The following PTGR2 variants were observed in gnomAD, a reference collection of about 807,000 sequenced individuals.
The protein encoded by PTGR2 is prostaglandin reductase 2, also known as 15-oxoprostaglandin 13-reductase.
Under a neutral mutation model 43.4 loss-of-function variants are expected in PTGR2, and 32 were observed. The ratio of observed to expected loss-of-function variants is 0.74; its 90% CI spans 0.56 to 0.99. PTGR2 has a LOEUF of 0.99. Ranked by LOEUF, PTGR2 falls within the 50% of genes least tolerant of loss-of-function variation. The pLI is 0.00. For missense variants in PTGR2, 373 were observed against 420.0 expected (o/e 0.89, Z 0.98); for synonymous variants, 106 against 139.2 (o/e 0.76, Z 1.68).
intron 3 of PTGR2, among the ~76,000 whole-genome samples, chr14:73,868,032 A>G (rs773726940): frequency 3.3e-5 from 5 of 152,188 alleles, no homozygotes; most frequent in Non-Finnish European, 7.3e-5. Context: ...CACGCTTGTA[A>G]TCCTAGCACT....
intron 1 of PTGR2, among the ~76,000 whole-genome samples, chr14:73,857,659 TTA>T: frequency 5.4e-5 from 7 of 130,048 alleles, no homozygotes; most frequent in Non-Finnish European, 9.7e-5. Context: ...AATTAAGCAG[TTA>T]GTGTTTTTTT....
chr14:73,874,437 A>C (rs1389180835), intron 4 of PTGR2: 2 of 549,314 alleles, frequency 3.6e-6, no homozygotes, highest in African/African-American at 3.8e-5. Context: ...GCTAAAATAA[A>C]CTGACAATAA....
In PTGR2 at chr14:73,859,867, T is replaced by G. The variant is rs1268071482; in HGVS notation, c.38-672T>G. 1.3e-5 allele frequency among the ~76,000 whole-genome samples: 2 copies of G among 149,144 alleles called. 1 individual carries two copies. The highest frequency in any genetic ancestry group is 3.9e-4 in the East Asian group (2 of 5,128). On this transcript the variant is annotated intron_variant, in intron 2 of 9. Coordinates refer to ENST00000555661, the MANE Select transcript of PTGR2 (RefSeq NM_001146154.2). ...ACAATATAGATTTACTTGTGCCTGT[T>G]TTTTTTTTTTTGACACGGAGTCTCG... is the stretch of plus-strand genomic sequence containing the variant.
At chr14:73,882,479 C>T in intron 9 of PTGR2, 41 bp downstream of exon 9, 1 of 1,278,584 alleles carries the variant, frequency 7.8e-7, no homozygotes, top group Middle Eastern at 1.9e-4. Flanking sequence ...ATGCTCAGCA[C>T]ACAAAGATAA....
rs371100877 is a variant in PTGR2, at chr14:73,860,632, T to G, written c.131T>G (p.Leu44Arg). 2.1e-4 allele frequency: 318 copies of G among 1,486,682 alleles called. No individual in the cohort carries two copies. Among genetic ancestry groups the G allele is most frequent in the Non-Finnish European group, 2.9e-4 (308 of 1,075,980 alleles). 92.1% of individuals were successfully genotyped at this position (1,486,682 alleles called of 1,614,324 possible). A position where few individuals can be genotyped will look rare whatever the true frequency, so the allele number is the denominator to read the frequency against. Residue 44 changes from leucine to arginine, a missense_variant, in exon 3 of 10, where the codon CTT (leucine) becomes CGT (arginine). Leu to Arg is a moderately radical substitution (Grantham distance 102). Transcript: ENST00000555661. ...GAAGGACAAGTACAAGTTAGAACTC[T>G]TTATCTTTCTGTGGATCCTTACATG... ...INEGQVQVRT[L>R]YLSVDPYMRC...
chr14:73,878,604 C>T, intron 5 of PTGR2: 2 of 434,178 alleles, frequency 4.6e-6, no homozygotes, highest in Non-Finnish European at 4.5e-6. Flanking sequence ...TCCTGGTCAG[C>T]CACCGTATGT....
intron 3 of PTGR2, among the ~76,000 whole-genome samples, chr14:73,872,087 A>G (rs979585211): frequency 3.3e-5 from 5 of 152,066 alleles, no homozygotes. Flanking sequence ...GTCGTCCTCT[A>G]CATTTTGGAT....
At chr14:73,881,578 A>G (rs2054988548) in intron 8 of PTGR2, among the ~76,000 whole-genome samples, 1 of 151,838 alleles carries the variant, frequency 6.6e-6, no homozygotes, top group Non-Finnish European at 1.5e-5. Flanking sequence ...ATGTTTATTA[A>G]TTTAACAAAT....
intron 3 of PTGR2, among the ~76,000 whole-genome samples, chr14:73,870,719 G>A (rs933900716): frequency 4.6e-5 from 7 of 151,974 alleles, no homozygotes; most frequent in Non-Finnish European, 8.8e-5. Context: ...TCAAAGTCCT[G>A]GCCTCAAGCG....
chr14:73,884,002 G>A, intron 9 of PTGR2, 99 bp from the exon 10 acceptor site: 3 of 749,006 alleles, frequency 4.0e-6, no homozygotes, highest in Non-Finnish European at 2.2e-6. Context: ...CAAAATCATT[G>A]AAAAAGTTAT....
intron 3 of PTGR2, among the ~76,000 whole-genome samples, chr14:73,864,750 T>G (rs2054565817): frequency 6.6e-6 from 1 of 152,238 alleles, no homozygotes; most frequent in South Asian, 2.1e-4. Flanking sequence ...GGTTGTCTTT[T>G]TATTCTCTTG....
chr14:73,870,127 G>A (rs1426545797), intron 3 of PTGR2, among the ~76,000 whole-genome samples: 2 of 151,560 alleles, frequency 1.3e-5, no homozygotes, highest in Non-Finnish European at 2.9e-5. Context: ...GAAGCCATGA[G>A]TTCAAGTCCA....
At chr14:73,872,270 G>T (rs1378005827) in intron 3 of PTGR2, among the ~76,000 whole-genome samples, 2 of 152,152 alleles carry the variant, frequency 1.3e-5, no homozygotes, top group Non-Finnish European at 2.9e-5. Context: ...GAGCGTACTT[G>T]GTCTGAAGTT....
rs58234739 is a variant in PTGR2, at chr14:73,883,188, C to CTTTTTTTTTTTTTT, written c.979+769_979+782dup. On this transcript the variant is annotated intron_variant, in intron 9 of 9. Transcript: ENST00000555661. The stretch of plus-strand genomic sequence containing the variant: ...CCTGCCCTTCCCTCCCCTCACCTCC[C>CTTTTTTTTTTTTTT]TTTTTTTTTTTTTTTTTTTTTTTTT... 1.2e-3 allele frequency among the ~76,000 whole-genome samples: 68 copies of CTTTTTTTTTTTTTT among 58,148 alleles called. 4 individuals carry two copies. Among genetic ancestry groups the CTTTTTTTTTTTTTT allele is most frequent in the East Asian group, 5.3e-3 (4 of 752 alleles). The allele number at this position is 58,148 out of a possible 152,430, so 38.1% of individuals were successfully genotyped here.
At chr14:73,880,900 G>A (rs528000310) in intron 7 of PTGR2, among the ~76,000 whole-genome samples, 1 of 152,236 alleles carries the variant, frequency 6.6e-6, no homozygotes, top group Admixed American at 6.5e-5. Flanking sequence ...AGGTTCAAGC[G>A]ATTCTCCTGT....
intron 3 of PTGR2, 70 bp from the exon 4 acceptor site, chr14:73,873,953 G>C: frequency 8.4e-7 from 1 of 1,192,326 alleles, no homozygotes; most frequent in South Asian, 1.5e-5. Context: ...TATGCTTTTA[G>C]TCATTGGGTA....
chr14:73,880,313 C>G (rs2054953049), intron 7 of PTGR2, 137 bp downstream of exon 7: 2 of 1,020,336 alleles, frequency 2.0e-6, no homozygotes, highest in Non-Finnish European at 2.9e-6. Context: ...TGGCTTATGC[C>G]TGTAATCCTA....
chr14:73,881,860 T>G (rs6574148), intron 8 of PTGR2, among the ~76,000 whole-genome samples: 71,904 of 145,730 alleles, frequency 0.49, 17,802 homozygotes, highest in South Asian at 0.62. Context: ...CTCGGCTCAC[T>G]GCAACCTCCG....
Position 73,877,179 on chromosome 14 carries a change from TGA to T in PTGR2, c.519+14_519+15del, listed in dbSNP as rs756854537. 15 of 1,597,922 alleles carry T rather than the reference TGA, an allele frequency of 9.4e-6. No homozygotes were observed. Among genetic ancestry groups the T allele is most frequent in the Non-Finnish European group, 1.2e-5 (14 of 1,171,952 alleles). On this transcript the variant is annotated intron_variant, in intron 5 of 9. Coordinates refer to ENST00000555661, the MANE Select transcript of PTGR2 (RefSeq NM_001146154.2). ...TCTGTGGCTGGGCAGGTAAACTTTC[TGA>T]GAATTATTTGATTTTCTGATTATTT...
Sources: allele counts gnomAD v4.1 joint callset (sites outside exome capture counted in the v4.1 genomes callset), GRCh38; gene constraint gnomAD v4.1.1; transcripts MANE v1.5; gene names NCBI Gene and HGNC (gene_info 2026-07-23, HGNC 2026-07-21).